The following TULP4 variants were observed in gnomAD, a reference collection of about 807,000 sequenced individuals.
TULP4 encodes the protein TUB like protein 4, also known as tubby-related protein 4.
A neutral mutation model predicts 129.0 loss-of-function variants in TULP4; 16 were observed. The observed-to-expected ratio is 0.12, with a 90% CI of 0.08 to 0.19. The LOEUF (loss-of-function observed/expected upper bound fraction) is 0.19, where lower values mean the gene tolerates loss of function less well. Among genes scored for constraint, TULP4 ranks in the 10% least tolerant of loss-of-function variants. The probability of loss-of-function intolerance (pLI) is 1.00; values close to 1 mark genes in which losing one functional copy is unlikely to be tolerated. For missense variants in TULP4, 1,842 were observed against 2,059.1 expected (o/e 0.89, Z 2.04); for synonymous variants, 998 against 854.0 (o/e 1.17, Z -2.94).
In TULP4 at chr6:158,461,707, T is replaced by G. The variant is rs1477577608; in HGVS notation, c.1004T>G (p.Phe335Cys). The change falls in exon 6 of 14, where the codon TTC becomes TGC. Residue 335 changes from phenylalanine to cysteine, a missense_variant. Physicochemically the swap from Phe to Cys is radical, Grantham distance 205. Transcript: ENST00000367097. The stretch of plus-strand genomic sequence containing the variant: ...TACAATGTTCGTGGGGAGCACATCT[T>G]CACACTGGACACTCTCGTGCAGGTA... Reference protein sequence around the residue: ...KFYNVRGEHIFTLDTLVQRPI... With the variant: ...KFYNVRGEHICTLDTLVQRPI... The G allele has an allele frequency of 6.2e-7, 1 of 1,614,222 alleles. No individual in the cohort carries two copies. Among genetic ancestry groups the G allele is most frequent in the South Asian group, 1.1e-5 (1 of 91,078 alleles).
intron 6 of TULP4, among the ~76,000 whole-genome samples, chr6:158,464,873 C>A (rs1779519942): frequency 6.6e-6 from 1 of 152,218 alleles, no homozygotes; most frequent in African/African-American, 2.4e-5. Context: ...AATTTCCCAA[C>A]AAGAGATGGT....
intron 1 of TULP4, among the ~76,000 whole-genome samples, chr6:158,384,956 T>C (rs1195684234): frequency 6.6e-6 from 1 of 152,114 alleles, no homozygotes; most frequent in Non-Finnish European, 1.5e-5. Flanking sequence ...GCTTTAGAAG[T>C]TCCAAAGAAA....
intron 3 of TULP4, chr6:158,437,896 C>G (rs2115086756): frequency 6.6e-6 from 1 of 152,256 alleles, no homozygotes; most frequent in African/African-American, 2.4e-5. Flanking sequence ...TTTGCTATGT[C>G]ATTCAGGTGT....
At chr6:158,257,491 G>A (rs567180158) in intron 1 of TULP4, among the ~76,000 whole-genome samples, 1 of 152,286 alleles carries the variant, frequency 6.6e-6, no homozygotes, top group Non-Finnish European at 1.5e-5. Context: ...CATTTATATT[G>A]TTGTGCAGCC....
intron 1 of TULP4, among the ~76,000 whole-genome samples, chr6:158,252,246 G>A (rs1027066460): frequency 6.6e-6 from 1 of 150,834 alleles, no homozygotes; most frequent in Admixed American, 6.6e-5. Context: ...ATTCTGTGTA[G>A]TCAAACCTAT....
At chr6:158,253,710 A>G (rs1314806431) in intron 1 of TULP4, among the ~76,000 whole-genome samples, 2 of 152,132 alleles carry the variant, frequency 1.3e-5, no homozygotes, top group Non-Finnish European at 2.9e-5. Context: ...TTTCTGACCT[A>G]CAGAACGCCA....
intron 1 of TULP4, among the ~76,000 whole-genome samples, chr6:158,369,297 CA>C (rs1368810092): frequency 6.6e-6 from 1 of 151,870 alleles, no homozygotes; most frequent in Non-Finnish European, 1.5e-5. Context: ...AGTTTGAGAC[CA>C]GACTAGGCAA....
chr6:158,236,796 T>TTTTC (rs1491099848), intron 1 of TULP4, among the ~76,000 whole-genome samples: 1,254 of 13,460 alleles, frequency 0.093, 183 homozygotes, highest in Non-Finnish European at 0.13. Flanking sequence ...AATTCTTTTC[T>TTTTC]TTTTTTTTTT....
At chr6:158,354,355 C>T (rs908081102) in intron 1 of TULP4, among the ~76,000 whole-genome samples, 1 of 152,114 alleles carries the variant, frequency 6.6e-6, no homozygotes, top group African/African-American at 2.4e-5. Flanking sequence ...TACATGATGT[C>T]ATTACCGAAC....
chr6:158,420,475 C>T lies in TULP4; in HGVS notation c.381+7282C>T, dbSNP rs369569807. Reference sequence around the variant, plus strand: ...TAACGACGAGATAAGAGATCCCTGTCTGTTTTTTGTTTTGTTTTGTTTTCT... The same window carrying T: ...TAACGACGAGATAAGAGATCCCTGTTTGTTTTTTGTTTTGTTTTGTTTTCT... On this transcript the variant is annotated intron_variant, in intron 2 of 13. Transcript: ENST00000367097. 7.9e-5 allele frequency among the ~76,000 whole-genome samples: 12 copies of T among 152,260 alleles called. No homozygotes were observed. The East Asian group carries it at 2.3e-3, about 29-fold the overall frequency.
At position 158,237,424 on chromosome 6, in the gene TULP4, G is replaced by C. The variant is rs113303755; in HGVS notation, n.68+5121G>C. The stretch of plus-strand genomic sequence containing the variant: ...CCCTGCAGGTCTCTGGTGTCTTGGG[G>C]GTATGATGTTACTTGTAGAGGCAGA... On this transcript the variant is annotated intron_variant and non_coding_transcript_variant, in intron 1 of 1. Transcript: ENST00000620026. 1.2e-4 allele frequency: 198 copies of C among 1,594,100 alleles called. 1 individual carries two copies. The East Asian group carries it at 3.3e-3, about 26-fold the overall frequency.
chr6:158,312,009 T>G, upstream of TULP4: 1 of 392,668 alleles, frequency 2.5e-6, no homozygotes, highest in African/African-American at 2.1e-5. Flanking sequence ...TTCCAGTGTT[T>G]TAAAGTTTTT....
chr6:158,239,657 T>G (rs1777814343), intron 1 of TULP4, among the ~76,000 whole-genome samples: 1 of 64,516 alleles, frequency 1.6e-5, no homozygotes, highest in African/African-American at 5.2e-5. Context: ...CCCACCTCCC[T>G]CCCGGACCGG....
chr6:158,403,370 G>A (rs745617350), intron 1 of TULP4, among the ~76,000 whole-genome samples: 5 of 152,144 alleles, frequency 3.3e-5, no homozygotes, highest in African/African-American at 9.6e-5. Context: ...ACGGAGTTTC[G>A]CTCTTGTTGC....
At chr6:158,378,520 T>C (rs999961061) in intron 1 of TULP4, among the ~76,000 whole-genome samples, 3 of 142,448 alleles carry the variant, frequency 2.1e-5, no homozygotes, top group African/African-American at 5.3e-5. Flanking sequence ...AATCTCGCTC[T>C]GTTGCCCAGA....
chr6:158,312,194 G>A (rs1017102722), upstream of TULP4: 5 of 398,142 alleles, frequency 1.3e-5, no homozygotes, highest in African/African-American at 6.2e-5. Context: ...ACATTCACAC[G>A]GGAAGACAGG....
At chr6:158,350,463 G>A (rs972358144) in intron 1 of TULP4, among the ~76,000 whole-genome samples, 1 of 152,228 alleles carries the variant, frequency 6.6e-6, no homozygotes, top group Non-Finnish European at 1.5e-5. Context: ...GTGAGACTCT[G>A]TCTGCAATCC....
upstream of TULP4, among the ~76,000 whole-genome samples, chr6:158,310,037 A>G (rs1406312239): frequency 1.3e-5 from 2 of 152,204 alleles, no homozygotes; most frequent in Non-Finnish European, 1.5e-5. Context: ...ATGTCGGCCA[A>G]ATATCCCAGC....
intron 1 of TULP4, among the ~76,000 whole-genome samples, chr6:158,285,891 A>G (rs980786059): frequency 1.3e-5 from 2 of 152,210 alleles, no homozygotes; most frequent in Non-Finnish European, 2.9e-5. Flanking sequence ...TGGCTGGGCT[A>G]TAGCCAGGGC....
Sources: gnomAD v4.1 joint callset for allele counts (sites outside exome capture counted in the v4.1 genomes callset) on GRCh38, gnomAD v4.1.1 for gene constraint, MANE v1.5 for transcripts, NCBI Gene and HGNC (gene_info 2026-07-23, HGNC 2026-07-21) for gene names.